The following RUNX1T1 variants were observed in gnomAD, a reference collection of about 807,000 sequenced individuals.
The protein encoded by RUNX1T1 is RUNX1 partner transcriptional co-repressor 1.
In RUNX1T1, 4 loss-of-function variants were observed where a neutral mutation model predicts 62.8. The ratio of observed to expected loss-of-function variants is 0.06; its 90% confidence interval spans 0.03 to 0.15. RUNX1T1 has a LOEUF of 0.15. Ranked by LOEUF, RUNX1T1 falls within the 10% of genes least tolerant of loss-of-function variation. The pLI, the probability that RUNX1T1 is intolerant of heterozygous loss-of-function variation, is 1.00. For synonymous variants in RUNX1T1, 291 were observed against 286.0 expected (o/e 1.02, Z -0.18); for missense variants, 508 against 754.3 (o/e 0.67, Z 3.82).
At chr8:91,994,144 G>T (rs947147528) in intron 5 of RUNX1T1, among the ~76,000 whole-genome samples, 17 of 152,144 alleles carry the variant, frequency 1.1e-4, no homozygotes, top group African/African-American at 4.1e-4. Context: ...CCAAGGGAGT[G>T]GTGGCCAGGA....
intron 2 of RUNX1T1, chr8:92,071,089 A>C (rs1046774885): frequency 6.6e-6 from 1 of 152,262 alleles, no homozygotes; most frequent in South Asian, 2.1e-4. Context: ...AATTGGCCAC[A>C]CATTACTGTG....
At chr8:92,088,319 T>C (rs992662798) in intron 1 of RUNX1T1, among the ~76,000 whole-genome samples, 2 of 152,198 alleles carry the variant, frequency 1.3e-5, no homozygotes, top group African/African-American at 4.8e-5. Context: ...ACTCAGAAAA[T>C]AAGCTATTAG....
chr8:91,959,918 A>C, exon 11 of RUNX1T1: 1 of 389,722 alleles, frequency 2.6e-6, no homozygotes, highest in Non-Finnish European at 4.7e-6. Context: ...TAATGAGGTC[A>C]TCTAGTTTAA....
chr8:92,087,325 G>T (rs569322272), intron 1 of RUNX1T1, among the ~76,000 whole-genome samples: 2 of 151,806 alleles, frequency 1.3e-5, no homozygotes, highest in South Asian at 4.2e-4. Flanking sequence ...AACACCCAAG[G>T]GCCCTTTTTG....
chr8:92,010,941 A>T, intron 4 of RUNX1T1, 61 bp downstream of exon 5: 1 of 900,038 alleles, frequency 1.1e-6, no homozygotes, highest in South Asian at 1.4e-5. Flanking sequence ...AAAAGCACAC[A>T]GTTATGACCT....
At chr8:92,000,412 A>G (rs2130972794) in intron 5 of RUNX1T1, among the ~76,000 whole-genome samples, 1 of 152,342 alleles carries the variant, frequency 6.6e-6, no homozygotes, top group Admixed American at 6.5e-5. Context: ...CAACTGTGGA[A>G]TACATAATAG....
chr8:92,074,887 C>T (rs1834194213), intron 2 of RUNX1T1, among the ~76,000 whole-genome samples: 1 of 151,996 alleles, frequency 6.6e-6, no homozygotes, highest in Admixed American at 6.6e-5. Context: ...ACACAGAAAC[C>T]AAATCATGAT....
intron 1 of RUNX1T1, among the ~76,000 whole-genome samples, chr8:92,024,678 C>T (rs954193234): frequency 6.6e-6 from 1 of 152,108 alleles, no homozygotes; most frequent in Non-Finnish European, 1.5e-5. Flanking sequence ...GAACCATTTG[C>T]ATCCCCAGAA....
chr8:92,077,532 T>C (rs1236511165), intron 1 of RUNX1T1, among the ~76,000 whole-genome samples: 3 of 152,102 alleles, frequency 2.0e-5, no homozygotes, highest in Non-Finnish European at 4.4e-5. Context: ...TGAGTAACTT[T>C]TCTGCACAAT....
chr8:92,050,165 T>C (rs1208498054), intron 1 of RUNX1T1, among the ~76,000 whole-genome samples: 1 of 152,246 alleles, frequency 6.6e-6, no homozygotes, highest in African/African-American at 2.4e-5. Context: ...AATACATTTT[T>C]GTTAAGAAGA....
chr8:91,977,892 A>T (rs908173524), intron 8 of RUNX1T1, among the ~76,000 whole-genome samples: 2 of 152,086 alleles, frequency 1.3e-5, no homozygotes, highest in Admixed American at 1.3e-4. Flanking sequence ...AGGTCAAGAG[A>T]ATCTCCTGCC....
At chr8:91,979,744 G>A (rs1295052962) in intron 8 of RUNX1T1, 4 of 487,274 alleles carry the variant, frequency 8.2e-6, no homozygotes. Flanking sequence ...AATCTATGAT[G>A]TATGAAAGAG....
intron 1 of RUNX1T1, among the ~76,000 whole-genome samples, chr8:92,049,789 CCTT>C (rs1432925161): frequency 9.2e-5 from 14 of 152,156 alleles, no homozygotes; most frequent in Non-Finnish European, 4.4e-5. Flanking sequence ...ATCCCACAAT[CCTT>C]CTACAGAAAG....
exon 11 of RUNX1T1, chr8:91,959,430 G>A (rs998118717): frequency 3.2e-5 from 3 of 95,128 alleles, no homozygotes; most frequent in East Asian, 3.7e-4. Context: ...GTGTGTGTGT[G>A]TGTGTGTGTG....
chr8:92,076,043 C>T lies in RUNX1T1; in HGVS notation c.10G>A (p.Val4Ile), dbSNP rs751418652. The change falls in exon 2 of 12, where the codon GTC becomes ATC. Residue 4 changes from valine to isoleucine, a missense_variant. Physicochemically the swap from Val to Ile is conservative, Grantham distance 29. Transcript: ENST00000265814. ...AGTGCTCTCCAAGTGTTTCTTTTGA[C>T]AGATATCATTCTCCACCAATCGCTC... is the stretch of plus-strand genomic sequence containing the variant. 5 of 1,610,626 alleles carry T rather than the reference C, an allele frequency of 3.1e-6. No individual in the cohort carries two copies. In the South Asian group the frequency reaches 4.4e-5, roughly 14 times the overall value.
Position 92,025,791 on chromosome 8 carries a change from A to G in RUNX1T1, c.8-8428T>C, listed in dbSNP as rs76225816. Among the ~76,000 whole-genome samples the G allele has an allele frequency of 8.3e-3, 1,272 of 152,346 alleles. 16 individuals carry two copies. The highest frequency in any genetic ancestry group is 0.011 in the Admixed American group (175 of 15,304). The stretch of plus-strand genomic sequence containing the variant: ...ATCTCTTTTTTCCTCTCATCATCCA[A>G]AAAGAATTCCAAAAGAATTTTTATA... On this transcript the variant is annotated intron_variant, in intron 1 of 10. Coordinates refer to ENST00000396218, the Ensembl canonical transcript of RUNX1T1.
chr8:92,087,794 T>C (rs548320355), intron 1 of RUNX1T1, among the ~76,000 whole-genome samples: 4 of 152,356 alleles, frequency 2.6e-5, no homozygotes, highest in Admixed American at 6.5e-5. Flanking sequence ...CAAAACAGCA[T>C]GTGACTTTCT....
intron 1 of RUNX1T1, among the ~76,000 whole-genome samples, chr8:92,099,368 T>C (rs1837936460): frequency 6.6e-6 from 1 of 152,236 alleles, no homozygotes; most frequent in South Asian, 2.1e-4. Context: ...TAACTATGAA[T>C]GTAAGTGCAC....
intron 5 of RUNX1T1, among the ~76,000 whole-genome samples, chr8:91,995,507 C>T (rs752767242): frequency 2.0e-5 from 3 of 152,120 alleles, no homozygotes; most frequent in African/African-American, 7.2e-5. Flanking sequence ...TTAACACTTG[C>T]AGGGGTGTAG....
Sources: allele counts gnomAD v4.1 joint callset (sites outside exome capture counted in the v4.1 genomes callset), GRCh38; gene constraint gnomAD v4.1.1; transcripts MANE v1.5; gene names NCBI Gene and HGNC (gene_info 2026-07-23, HGNC 2026-07-21).